NKX6-3: variants seen among roughly 807,000 people sequenced by gnomAD.
NKX6-3 encodes homeobox protein Nkx-6.3.
In NKX6-3, 17 loss-of-function variants were observed where a neutral mutation model predicts 22.0. The ratio of observed to expected loss-of-function variants is 0.77; its 90% CI spans 0.53 to 1.16. NKX6-3 has a LOEUF of 1.16. NKX6-3 is among the 50% of genes most tolerant of loss of function. The pLI is 0.00. For missense variants in NKX6-3, 363 were observed against 359.0 expected (o/e 1.01, Z -0.09); for synonymous variants, 177 against 167.2 (o/e 1.06, Z -0.45).
chr8:41,648,036 G>A (rs1804247236), intron 2 of NKX6-3, 30 bp downstream of exon 2: 3 of 1,507,472 alleles, frequency 2.0e-6, no homozygotes, highest in Non-Finnish European at 2.7e-6. Flanking sequence ...CCTCCCTGCA[G>A]GGCAGGTGCC....
chr8:41,650,091 TG>T lies in NKX6-3; in HGVS notation c.382+19del. On this transcript the variant is annotated intron_variant, in intron 1 of 2. Transcript: ENST00000518699. ...GGCCTGGCGGGTGCCGGGAGGTGGC[TG>T]GGGAGGACCCGTACTCACTGTTGCT... 1 of 1,519,104 alleles carries T rather than the reference TG, an allele frequency of 6.6e-7. No individual in the cohort carries two copies. Among genetic ancestry groups the T allele is most frequent in the Non-Finnish European group, 8.8e-7 (1 of 1,137,962 alleles). 94.1% of individuals were successfully genotyped at this position (1,519,104 alleles called of 1,614,324 possible).
chr8:41,648,298 C>A, intron 1 of NKX6-3, 63 bp from the exon 2 acceptor site: 27 of 1,426,624 alleles, frequency 1.9e-5, no homozygotes, highest in Non-Finnish European at 2.4e-5. Context: ...CTAGGCACGT[C>A]TGGCAGGGCA....
chr8:41,646,495 T>A lies in NKX6-3; in HGVS notation c.752A>T (p.His251Leu). 4 of 1,610,436 alleles carry A rather than the reference T, an allele frequency of 2.5e-6. No homozygotes were observed. The highest frequency in any genetic ancestry group is 2.5e-6 in the Non-Finnish European group (3 of 1,178,808). ...DEKIRLLLRK[H>L]RAAFSVLSLG... ...GCTGAGCACCGAGAAGGCGGCGCGG[T>A]GCTTGCGCAGCAGCAGGCGGATCTT... The change falls in exon 3 of 3, where the codon CAC (histidine) becomes CTC (leucine). Residue 251 changes from histidine (H) to leucine (L), a missense_variant. Physicochemically the swap from His to Leu is moderately conservative, Grantham distance 99 (BLOSUM62 -3). Coordinates refer to ENST00000518699, the MANE Select transcript of NKX6-3 (RefSeq NM_001364841.2).
At chr8:41,647,907 A>AC (rs1804245221) in intron 2 of NKX6-3, among the ~76,000 whole-genome samples, 159 bp downstream of exon 2, 1 of 152,124 alleles carries the variant, frequency 6.6e-6, no homozygotes, top group Non-Finnish European at 1.5e-5. Flanking sequence ...ATGGTTAATT[A>AC]CCACAGGCTC....
chr8:41,650,346 G>C lies in NKX6-3; in HGVS notation c.147C>G (p.Ala49=). ...TGTCCGTGATCCCGTGGGGGGTTCC[G>C]GCGGCCAGCTGGGGGCCCAGCCCTG... ...SPPGLGPQLA[A]GTPHGITDIL... The change falls in exon 1 of 3, where the codon GCC becomes GCG. Residue 49 remains alanine, a synonymous_variant. Coordinates refer to ENST00000518699, the MANE Select transcript of NKX6-3 (RefSeq NM_001364841.2). 6.5e-7 allele frequency: 1 copy of C among 1,534,892 alleles called. No homozygotes were observed. The highest frequency in any genetic ancestry group is 2.4e-5 in the East Asian group (1 of 40,878).
intron 1 of NKX6-3, among the ~76,000 whole-genome samples, chr8:41,649,172 ATG>A (rs1804265840): frequency 6.6e-6 from 1 of 152,158 alleles, no homozygotes; most frequent in Admixed American, 6.5e-5. Flanking sequence ...GGGCACAGCG[ATG>A]GGTGGCAGCC....
Position 41,646,407 on chromosome 8 carries a change from C to T in NKX6-3, c.*42G>A, listed in dbSNP as rs868401324. 6.4e-7 allele frequency: 1 copy of T among 1,553,698 alleles called. No individual in the cohort carries two copies. On this transcript the variant is annotated 3_prime_UTR_variant, in exon 3 of 3. Coordinates refer to ENST00000518699, the MANE Select transcript of NKX6-3 (RefSeq NM_001364841.2). ...GGGAAGGTAGGCTCCTCGGCGTCCCCCCGCAGGCTGCAGCCAGGATCCCGG... is the reference window on the plus strand; with the variant it reads ...GGGAAGGTAGGCTCCTCGGCGTCCCTCCGCAGGCTGCAGCCAGGATCCCGG...
At chr8:41,647,474 C>T (rs1342637581) in intron 2 of NKX6-3, 3 of 1,024,506 alleles carry the variant, frequency 2.9e-6, no homozygotes, top group Non-Finnish European at 4.2e-6. Flanking sequence ...GGGGCCCCTG[C>T]GTGTGGAGTG....
Position 41,646,515 on chromosome 8 carries a change from G to A in NKX6-3, c.732C>T (p.Ile244=). 3 of 1,612,234 alleles carry A rather than the reference G, an allele frequency of 1.9e-6. No homozygotes were observed. The highest frequency in any genetic ancestry group is 2.5e-6 in the Non-Finnish European group (3 of 1,179,408). The change falls in exon 3 of 3, where the codon ATC becomes ATT. Residue 244 remains isoleucine (I), a synonymous_variant. Transcript: ENST00000518699. The part of the protein sequence containing the change: ...PLDPDSDDEK[I]RLLLRKHRAA... The stretch of plus-strand genomic sequence containing the variant: ...CGCGGTGCTTGCGCAGCAGCAGGCG[G>A]ATCTTCTCGTCGTCCGAGTCGGGGT...
chr8:41,646,621 G>T lies in NKX6-3; in HGVS notation c.626C>A (p.Ala209Asp). The change falls in exon 3 of 3, where the codon GCC (alanine) becomes GAC (aspartate). Residue 209 changes from alanine (A) to aspartate (D), a missense_variant. This residue lies in a region of NKX6-3 where 169 missense variants were observed against 155.8 expected (regional missense o/e 1.08). Transcript: ENST00000518699. ...TGCGCCTGCACCCGCGCCGCCCGGGGCCCGGGGCGTGGAGGACGAGGGCTC... is the reference window on the plus strand; with the variant it reads ...TGCGCCTGCACCCGCGCCGCCCGGGTCCCGGGGCGTGGAGGACGAGGGCTC... ...ALEPSSSTPR[A>D]PGGAGAGAGG... 6.4e-7 allele frequency: 1 copy of T among 1,559,210 alleles called. No homozygotes were observed. Among genetic ancestry groups the T allele is most frequent in the Non-Finnish European group, 8.7e-7 (1 of 1,152,446 alleles).
At chr8:41,647,452 TA>T (rs2150519543) in intron 2 of NKX6-3, 1 of 1,328,652 alleles carries the variant, frequency 7.5e-7, no homozygotes, top group African/African-American at 1.5e-5. Flanking sequence ...CGGGTCTATT[TA>T]GGGGGCATTT....
intron 1 of NKX6-3, among the ~76,000 whole-genome samples, chr8:41,649,304 GA>G (rs944447243): frequency 3.5e-4 from 54 of 152,270 alleles, no homozygotes; most frequent in African/African-American, 1.3e-3. Context: ...GGAGAGCCCG[GA>G]GATCAGACAG....
At chr8:41,647,500 A>T in intron 2 of NKX6-3, 5 of 765,022 alleles carry the variant, frequency 6.5e-6, no homozygotes, top group Non-Finnish European at 8.1e-6. Flanking sequence ...GCCTGGGCTC[A>T]CCCTCCCTAG....
At position 41,650,215 on chromosome 8, in the gene NKX6-3, T is replaced by TG; in HGVS notation, c.277dup (p.Gln93ProfsTer42). ...CCCAGCCTTGGAAAAATTCCCTACC[T>TG]GGGGGCTGTAGTAGACCCCCTGCGA... On this transcript the variant is annotated frameshift_variant, in exon 1 of 3. Transcript: ENST00000518699. LOFTEE classifies it high-confidence loss of function. 3 of 1,534,052 alleles carry TG rather than the reference T, an allele frequency of 2.0e-6. No homozygotes were observed. The highest frequency in any genetic ancestry group is 2.6e-6 in the Non-Finnish European group (3 of 1,145,968).
At position 41,650,325 on chromosome 8, in the gene NKX6-3, C is replaced by T. The variant is rs1369893921; in HGVS notation, c.168G>A (p.Thr56=). The T allele has an allele frequency of 6.1e-5, 93 of 1,534,756 alleles. No individual in the cohort carries two copies. Among genetic ancestry groups the T allele is most frequent in the Non-Finnish European group, 7.8e-5 (89 of 1,146,252 alleles). ...CAGCCACGGGCCTGCTCAGGATGTCCGTGATCCCGTGGGGGGTTCCGGCGG... is the reference window on the plus strand; with the variant it reads ...CAGCCACGGGCCTGCTCAGGATGTCTGTGATCCCGTGGGGGGTTCCGGCGG... The part of the protein sequence containing the change: ...QLAAGTPHGI[T]DILSRPVAAP... The change falls in exon 1 of 3, where the codon ACG becomes ACA. Residue 56 remains threonine (T), a synonymous_variant. Coordinates refer to ENST00000518699, the MANE Select transcript of NKX6-3 (RefSeq NM_001364841.2).
Position 41,650,701 on chromosome 8 carries a change from GC to G in NKX6-3, c.-210del, listed in dbSNP as rs1804302141. 2 of 563,090 alleles carry G rather than the reference GC, an allele frequency of 3.6e-6. No homozygotes were observed. Among genetic ancestry groups the G allele is most frequent in the East Asian group, 6.2e-5 (2 of 32,140 alleles). 34.9% of individuals were successfully genotyped at this position (563,090 alleles called of 1,614,324 possible). A position where few individuals can be genotyped will look rare whatever the true frequency, so the allele number is the denominator to read the frequency against. The stretch of plus-strand genomic sequence containing the variant: ...GTCAGGTGCTCGGGGCAGGTGGGAG[GC>G]CTCCCCAGGGCTCCTGGCCTCTCTC... On this transcript the variant is annotated 5_prime_UTR_variant, in exon 1 of 3. Transcript: ENST00000518699.
intron 2 of NKX6-3, chr8:41,647,093 C>T (rs571569409): frequency 7.4e-7 from 1 of 1,345,586 alleles, no homozygotes; most frequent in East Asian, 2.5e-5. Flanking sequence ...CTCTGGGCTT[C>T]ATAGACCCTC....
chr8:41,650,369 C>G lies in NKX6-3; in HGVS notation c.124G>C (p.Gly42Arg), dbSNP rs1481150652. Residue 42 changes from glycine (G) to arginine (R), a missense_variant, in exon 1 of 3, where the codon GGG becomes CGG. Transcript: ENST00000518699. ...QNSFYKLSPP[G>R]LGPQLAAGTP... ...CCGGCGGCCAGCTGGGGGCCCAGCC[C>G]TGGGGGGCTGAGCTTGTAGAAGGAG... The G allele has an allele frequency of 2.6e-6, 4 of 1,535,358 alleles. No individual in the cohort carries two copies. The Admixed American group carries it at 5.9e-5, about 23-fold the overall frequency.
chr8:41,650,231 C>A lies in NKX6-3; in HGVS notation c.262G>T (p.Val88Phe), dbSNP rs969277708. 22 of 1,533,338 alleles carry A rather than the reference C, an allele frequency of 1.4e-5. No homozygotes were observed. The highest frequency in any genetic ancestry group is 7.3e-5 in the East Asian group (3 of 40,910). The allele number at this position is 1,533,338 out of a possible 1,614,324, so 95.0% of individuals were successfully genotyped here. A position where few individuals can be genotyped will look rare whatever the true frequency, so the allele number is the denominator to read the frequency against. ...AGFGGLSSQG[V>F]YYSPQVGNFS... ...TTCCCTACCTGGGGGCTGTAGTAGA[C>A]CCCCTGCGAGCTGAGCCCCCCAAAG... Residue 88 changes from valine to phenylalanine, a missense_variant, in exon 1 of 3, where the codon GTC becomes TTC. Val to Phe is a conservative substitution (Grantham distance 50). This residue lies in a region of NKX6-3 where 175 missense variants were observed against 160.9 expected (regional missense o/e 1.09). Transcript: ENST00000518699.
Sources: allele counts gnomAD v4.1 joint callset (sites outside exome capture counted in the v4.1 genomes callset), GRCh38; gene constraint gnomAD v4.1.1; regional missense constraint gnomAD v4.1.1; transcripts MANE v1.5; gene names NCBI Gene and HGNC (gene_info 2026-07-23, HGNC 2026-07-21).